ACOT4: variants seen among roughly 807,000 people sequenced by gnomAD.
ACOT4 encodes the protein peroxisomal succinyl-coenzyme A thioesterase.
In ACOT4, 18 loss-of-function variants were observed where a neutral mutation model predicts 17.1. That is an observed-to-expected ratio of 1.05 (90% CI 0.73 to 1.56). ACOT4 has a LOEUF of 1.56. Ranked by LOEUF, ACOT4 falls within the 40% of genes most tolerant of loss-of-function variation. ACOT4 has a pLI of 0.00. For missense variants in ACOT4, 574 were observed against 557.2 expected (o/e 1.03, Z -0.30); for synonymous variants, 234 against 236.6 (o/e 0.99, Z 0.10).
intron 1 of ACOT4, 68 bp downstream of exon 1, chr14:73,592,484 A>G: frequency 7.0e-7 from 1 of 1,424,564 alleles, no homozygotes; most frequent in Non-Finnish European, 9.2e-7. Context: ...TCCAGTGCTG[A>G]TTTAGCACTG....
chr14:73,593,884 T>C lies in ACOT4; in HGVS notation c.640T>C (p.Tyr214His). ...GGAGTACTTCGAAGAAGCCGTATGC[T>C]ACATGCTTCAACATCCCCAGGTTCT... ...SLEYFEEAVC[Y>H]MLQHPQVKGP... Residue 214 changes from tyrosine (Y) to histidine (H), a missense_variant, in exon 2 of 3, where the codon TAC becomes CAC. By Grantham distance (83) the Tyr-to-His change is moderately conservative. Coordinates refer to ENST00000326303, the MANE Select transcript of ACOT4 (RefSeq NM_152331.4). 1 of 1,612,868 alleles carries C rather than the reference T, an allele frequency of 6.2e-7. No individual in the cohort carries two copies. Among genetic ancestry groups the C allele is most frequent in the South Asian group, 1.1e-5 (1 of 91,008 alleles).
chr14:73,591,982 A>G lies in ACOT4; in HGVS notation c.23A>G (p.Glu8Gly), dbSNP rs1192833572. The change falls in exon 1 of 3, where the codon GAG (glutamate) becomes GGG (glycine). Residue 8 changes from glutamate (E) to glycine (G), a missense_variant. By Grantham distance (98) the Glu-to-Gly change is moderately conservative. Transcript: ENST00000326303. MSATLIL[E>G]PPGRCCWNEP... is the part of the protein sequence containing the mutation. ...AAGATGTCAGCAACGCTGATCCTGGAGCCCCCAGGCCGCTGCTGCTGGAAC... is the reference window on the plus strand; with the variant it reads ...AAGATGTCAGCAACGCTGATCCTGGGGCCCCCAGGCCGCTGCTGCTGGAAC... 5 of 1,402,516 alleles carry G rather than the reference A, an allele frequency of 3.6e-6. No homozygotes were observed. Among genetic ancestry groups the G allele is most frequent in the African/African-American group, 3.1e-5 (2 of 65,538 alleles). 86.9% of individuals were successfully genotyped at this position (1,402,516 alleles called of 1,614,324 possible). A position where few individuals can be genotyped will look rare whatever the true frequency, so the allele number is the denominator to read the frequency against.
Position 73,593,702 on chromosome 14 carries a change from G to A in ACOT4, c.458G>A (p.Gly153Glu), listed in dbSNP as rs372349643. 4 of 1,607,360 alleles carry A rather than the reference G, an allele frequency of 2.5e-6. No homozygotes were observed. Among genetic ancestry groups the A allele is most frequent in the Non-Finnish European group, 3.4e-6 (4 of 1,176,316 alleles). Residue 153 changes from glycine to glutamate, a missense_variant and splice_region_variant, in exon 2 of 3, where the codon GGA becomes GAA. Physicochemically the swap from Gly to Glu is moderately conservative, Grantham distance 98. Transcript: ENST00000326303. ...ACATTTATAATATTTTGTTCTCTAGGACCTGGACCCTTCCCAGGGATCATT... is the reference window on the plus strand; with the variant it reads ...ACATTTATAATATTTTGTTCTCTAGAACCTGGACCCTTCCCAGGGATCATT... ...RVRATLFLPP[G>E]PGPFPGIIDI...
In ACOT4 at chr14:73,595,513, C is replaced by T; in HGVS notation, c.1125C>T (p.His375=). 1.2e-6 allele frequency: 2 copies of T among 1,613,648 alleles called. No individual in the cohort carries two copies. The highest frequency in any genetic ancestry group is 2.7e-5 in the African/African-American group (2 of 75,048). ...TCCCCCTGTGCCCAGCTTCCCTTCA[C>T]AGATTACTGAACAAACATGTTATAT... ...PYFPLCPASL[H]RLLNKHVIWG... The change falls in exon 3 of 3, where the codon CAC becomes CAT. Residue 375 remains histidine (H), a synonymous_variant. Coordinates refer to ENST00000326303, the MANE Select transcript of ACOT4 (RefSeq NM_152331.4).
In ACOT4 at chr14:73,593,341, T is replaced by C. The variant is rs376717875; in HGVS notation, c.458-361T>C. Among the ~76,000 whole-genome samples the C allele has an allele frequency of 7.0e-3, 980 of 139,480 alleles. 17 individuals are homozygous for C. Among genetic ancestry groups the C allele is most frequent in the African/African-American group, 0.025 (901 of 36,662 alleles). 91.5% of individuals were successfully genotyped at this position (139,480 alleles called of 152,430 possible). The stretch of plus-strand genomic sequence containing the variant: ...CTTTTTTCTTTTCTTTCTTTCTTTT[T>C]TTTTTTTTTTTTTTTGAGACAGTGT... On this transcript the variant is annotated intron_variant, in intron 1 of 2. Coordinates refer to ENST00000326303, the MANE Select transcript of ACOT4 (RefSeq NM_152331.4).
intron 1 of ACOT4, among the ~76,000 whole-genome samples, chr14:73,592,876 G>T (rs985105786): frequency 1.3e-5 from 2 of 152,144 alleles, no homozygotes; most frequent in African/African-American, 2.4e-5. Context: ...AGAAAAAAAA[G>T]GATTTTTTGT....
In ACOT4 at chr14:73,595,573, G is replaced by C; in HGVS notation, c.1185G>C (p.Gln395His). The change falls in exon 3 of 3, where the codon CAG (glutamine) becomes CAC (histidine). Residue 395 changes from glutamine to histidine, a missense_variant. Transcript: ENST00000326303. ...AGCCCAGGGCTCATTCTAAGGCCCA[G>C]GAAGATGCCTGGAAGCAAATTCTAG... ...GGEPRAHSKA[Q>H]EDAWKQILAF... The C allele has an allele frequency of 1.3e-6, 2 of 1,582,226 alleles. No homozygotes were observed. Among genetic ancestry groups the C allele is most frequent in the Non-Finnish European group, 1.7e-6 (2 of 1,160,446 alleles).
chr14:73,594,334 T>A (rs1475734407), intron 2 of ACOT4, among the ~76,000 whole-genome samples: 1 of 152,194 alleles, frequency 6.6e-6, no homozygotes, highest in Non-Finnish European at 1.5e-5. Context: ...GATGAATGAT[T>A]CACATCTTGA....
Position 73,591,980 on chromosome 14 carries a change from G to A in ACOT4, c.21G>A (p.Leu7=). 7.1e-7 allele frequency: 1 copy of A among 1,403,920 alleles called. No individual in the cohort carries two copies. The highest frequency in any genetic ancestry group is 9.3e-7 in the Non-Finnish European group (1 of 1,080,636). The allele number at this position is 1,403,920 out of a possible 1,614,324, so 87.0% of individuals were successfully genotyped here. The change falls in exon 1 of 3, where the codon CTG becomes CTA. Residue 7 remains leucine, a synonymous_variant. Coordinates refer to ENST00000326303, the MANE Select transcript of ACOT4 (RefSeq NM_152331.4). ...CCAAGATGTCAGCAACGCTGATCCT[G>A]GAGCCCCCAGGCCGCTGCTGCTGGA... MSATLI[L]EPPGRCCWNE...
At position 73,592,322 on chromosome 14, in the gene ACOT4, C is replaced by T; in HGVS notation, c.363C>T (p.Cys121=). Residue 121 remains cysteine, a synonymous_variant, in exon 1 of 3, where the codon TGC becomes TGT. Coordinates refer to ENST00000326303, the MANE Select transcript of ACOT4 (RefSeq NM_152331.4). The part of the protein sequence containing the change: ...GHDPEPGRLL[C]QAQHERHFLP... ...ACCCCGAGCCTGGACGGCTGCTGTG[C>T]CAGGCGCAGCACGAGCGCCACTTCC... The T allele has an allele frequency of 1.9e-6, 3 of 1,608,570 alleles. No homozygotes were observed. The highest frequency in any genetic ancestry group is 2.5e-6 in the Non-Finnish European group (3 of 1,177,716).
rs572563637 is a variant in ACOT4, at chr14:73,595,560, A to C, written c.1172A>C (p.His391Pro). The change falls in exon 3 of 3, where the codon CAT (histidine) becomes CCT (proline). Residue 391 changes from histidine (H) to proline (P), a missense_variant. Physicochemically the swap from His to Pro is moderately conservative, Grantham distance 77. Coordinates refer to ENST00000326303, the MANE Select transcript of ACOT4 (RefSeq NM_152331.4). ...ATATGGGGTGGGGAGCCCAGGGCTC[A>C]TTCTAAGGCCCAGGAAGATGCCTGG... ...HVIWGGEPRA[H>P]SKAQEDAWKQ... The C allele has an allele frequency of 6.3e-7, 1 of 1,599,678 alleles. No individual in the cohort carries two copies. The highest frequency in any genetic ancestry group is 2.2e-5 in the East Asian group (1 of 44,474).
chr14:73,593,103 C>T (rs1189265875), intron 1 of ACOT4, among the ~76,000 whole-genome samples: 1 of 152,158 alleles, frequency 6.6e-6, no homozygotes, highest in African/African-American at 2.4e-5. Context: ...ATTACCATGT[C>T]GTCTTCTCTA....
rs146020227 is a variant in ACOT4 at position 73,595,503 on chromosome 14, C to T, written c.1115C>T (p.Ala372Val). Reference protein sequence around the residue: ...IEPPYFPLCPASLHRLLNKHV... With the variant: ...IEPPYFPLCPVSLHRLLNKHV... ...CCTCCTTACTTCCCCCTGTGCCCAG[C>T]TTCCCTTCACAGATTACTGAACAAA... Residue 372 changes from alanine (A) to valine (V), a missense_variant, in exon 3 of 3, where the codon GCT becomes GTT. Ala to Val is a moderately conservative substitution (Grantham distance 64, BLOSUM62 0). Transcript: ENST00000326303. 1.3e-5 allele frequency: 21 copies of T among 1,613,684 alleles called. No homozygotes were observed. Among genetic ancestry groups the T allele is most frequent in the African/African-American group, 8.0e-5 (6 of 74,936 alleles).
rs773056675 is a variant in ACOT4 at position 73,595,322 on chromosome 14, G to A, written c.934G>A (p.Glu312Lys). The A allele has an allele frequency of 1.9e-6, 3 of 1,614,222 alleles. No homozygotes were observed. Among genetic ancestry groups the A allele is most frequent in the Non-Finnish European group, 2.5e-6 (3 of 1,180,040 alleles). ...CAAGAACCCCAGCATGATTCCAATA[G>A]AGAAGGCCCAGGGGCCCATCCTGCT... is the stretch of plus-strand genomic sequence containing the variant. ...GYKNPSMIPI[E>K]KAQGPILLIV... Residue 312 changes from glutamate to lysine, a missense_variant, in exon 3 of 3, where the codon GAG (glutamate) becomes AAG (lysine). Glu to Lys is a moderately conservative substitution (Grantham distance 56). Coordinates refer to ENST00000326303, the MANE Select transcript of ACOT4 (RefSeq NM_152331.4).
At position 73,592,041 on chromosome 14, in the gene ACOT4, C is replaced by T. The variant is rs1258460185; in HGVS notation, c.82C>T (p.Pro28Ser). The change falls in exon 1 of 3, where the codon CCG (proline) becomes TCG (serine). Residue 28 changes from proline (P) to serine (S), a missense_variant. Physicochemically the swap from Pro to Ser is moderately conservative, Grantham distance 74. Transcript: ENST00000326303. Reference protein sequence around the residue: ...PVRIAVRGLAPEQRVTLRASL... With the variant: ...PVRIAVRGLASEQRVTLRASL... ...GCGCATTGCCGTGCGCGGCCTGGCC[C>T]CGGAGCAGCGGGTTACGCTGCGCGC... 1.2e-5 allele frequency: 17 copies of T among 1,462,052 alleles called. No homozygotes were observed. Among genetic ancestry groups the T allele is most frequent in the Non-Finnish European group, 1.5e-5 (17 of 1,109,118 alleles). 90.6% of individuals were successfully genotyped at this position (1,462,052 alleles called of 1,614,324 possible). A position where few individuals can be genotyped will look rare whatever the true frequency, so the allele number is the denominator to read the frequency against.
At chr14:73,595,003 T>C (rs780464679) in intron 2 of ACOT4, 46 bp from the exon 3 acceptor site, 2 of 1,599,446 alleles carry the variant, frequency 1.3e-6, no homozygotes, top group Non-Finnish European at 1.7e-6. Context: ...CCGCACCCAA[T>C]CTGGATAAGT....
chr14:73,593,638 C>A, intron 1 of ACOT4, 64 bp from the exon 2 acceptor site: 1 of 1,470,672 alleles, frequency 6.8e-7, no homozygotes, highest in Non-Finnish European at 9.2e-7. Context: ...CCACAGTGTC[C>A]AGCCAGGAAA....
chr14:73,592,515 C>A, intron 1 of ACOT4, 99 bp downstream of exon 1: 1 of 1,342,704 alleles, frequency 7.4e-7, no homozygotes, highest in Non-Finnish European at 9.8e-7. Flanking sequence ...GGAGCAAGAT[C>A]AGAGAAGCTA....
chr14:73,593,698 C>T lies in ACOT4; in HGVS notation c.458-4C>T. On this transcript the variant is annotated splice_polypyrimidine_tract_variant and splice_region_variant and intron_variant, in intron 1 of 2. Coordinates refer to ENST00000326303, the MANE Select transcript of ACOT4 (RefSeq NM_152331.4). ...GCTTACATTTATAATATTTTGTTCT[C>T]TAGGACCTGGACCCTTCCCAGGGAT... is the stretch of plus-strand genomic sequence containing the variant. 6.3e-7 allele frequency: 1 copy of T among 1,599,896 alleles called. No individual in the cohort carries two copies. Among genetic ancestry groups the T allele is most frequent in the Non-Finnish European group, 8.5e-7 (1 of 1,172,256 alleles).
Sources: allele counts gnomAD v4.1 joint callset (sites outside exome capture counted in the v4.1 genomes callset), GRCh38; gene constraint gnomAD v4.1.1; transcripts MANE v1.5; gene names NCBI Gene and HGNC (gene_info 2026-07-23, HGNC 2026-07-21).